NLGN4X: variants seen among roughly 807,000 people sequenced by gnomAD.
NLGN4X encodes neuroligin-4, X-linked.
A neutral mutation model predicts 40.3 loss-of-function variants in NLGN4X; 3 were observed. That is an observed-to-expected ratio of 0.07 (90% CI 0.03 to 0.19). The LOEUF is 0.19. Among genes scored for constraint, NLGN4X ranks in the 10% least tolerant of loss-of-function variants. NLGN4X has a pLI of 1.00. For synonymous variants in NLGN4X, 270 were observed against 306.8 expected (o/e 0.88, Z 1.25); for missense variants, 382 against 708.3 (o/e 0.54, Z 5.23).
At chrX:5,978,295 TC>T in intron 3 of NLGN4X, among the ~76,000 whole-genome samples, 1 of 71,020 alleles carries the variant, frequency 1.4e-5, no homozygotes, top group East Asian at 4.6e-4. Context: ...TTTCTTTCTT[TC>T]TTTCTTTCTT....
At chrX:5,934,697 C>A (rs73450242) in intron 3 of NLGN4X, among the ~76,000 whole-genome samples, 40 of 110,907 alleles carry the variant, frequency 3.6e-4, no homozygotes, top group Non-Finnish European at 6.2e-4. Flanking sequence ...AATGGCTATT[C>A]GTTTATGCTG....
intron 3 of NLGN4X, among the ~76,000 whole-genome samples, chrX:6,021,702 T>A (rs1331875347): frequency 2.7e-5 from 3 of 110,828 alleles, no homozygotes; most frequent in Non-Finnish European, 1.9e-5. Context: ...ATAAAGAAGA[T>A]GATGATGAAA....
At chrX:6,037,886 C>T (rs954723519) in intron 2 of NLGN4X, among the ~76,000 whole-genome samples, 4 of 111,520 alleles carry the variant, frequency 3.6e-5, no homozygotes, top group Admixed American at 9.5e-5. Context: ...CCCCAGCTCT[C>T]GGCAGCAAGG....
chrX:5,892,662 G>A lies in NLGN4X; in HGVS notation c.*155C>T. The A allele has an allele frequency of 1.4e-6, 1 of 718,492 alleles. No homozygotes were observed. The highest frequency in any genetic ancestry group is 2.6e-5 in the South Asian group (1 of 39,077). The allele number at this position is 718,492 out of a possible 1,213,427, so 59.2% of individuals were successfully genotyped here. The stretch of plus-strand genomic sequence containing the variant: ...CGATAAGGGTCTGCCGGGATGGGAT[G>A]ACTGCCTTTTTGCATTTTTGTCTTA... On this transcript the variant is annotated 3_prime_UTR_variant, in exon 6 of 6. Transcript: ENST00000381095.
At chrX:6,211,649 T>C (rs1447184349) in intron 1 of NLGN4X, among the ~76,000 whole-genome samples, 1 of 111,774 alleles carries the variant, frequency 8.9e-6, no homozygotes, top group Non-Finnish European at 1.9e-5. Context: ...TGATATGCTG[T>C]AGCTATAGAC....
intron 2 of NLGN4X, among the ~76,000 whole-genome samples, chrX:6,081,609 G>A (rs2038351651): frequency 9.0e-6 from 1 of 111,709 alleles, no homozygotes; most frequent in South Asian, 3.8e-4. Context: ...ATATGAGGCT[G>A]GTGATATTTG....
At chrX:5,905,596 T>A (rs2032130341) in intron 4 of NLGN4X, among the ~76,000 whole-genome samples, 1 of 112,587 alleles carries the variant, frequency 8.9e-6, no homozygotes. Flanking sequence ...GTGAACATCT[T>A]CATAAAACTA....
chrX:5,909,614 C>T (rs2146763114), intron 3 of NLGN4X, among the ~76,000 whole-genome samples: 1 of 100,719 alleles, frequency 9.9e-6, no homozygotes, highest in East Asian at 3.0e-4. Flanking sequence ...CAGACTCCTA[C>T]AAGAAATTTT....
intron 2 of NLGN4X, among the ~76,000 whole-genome samples, chrX:6,140,704 AG>A (rs1480687377): frequency 9.2e-6 from 1 of 108,146 alleles, no homozygotes; most frequent in Non-Finnish European, 1.9e-5. Flanking sequence ...CATCCCCTCA[AG>A]TAGCTGGGAC....
In NLGN4X at chrX:6,136,799, C is replaced by T. The variant is rs148502681; in HGVS notation, c.472+14196G>A. 6.6e-3 allele frequency among the ~76,000 whole-genome samples: 733 copies of T among 111,906 alleles called. 2 individuals are homozygous for T. Among genetic ancestry groups the T allele is most frequent in the African/African-American group, 0.021 (647 of 30,816 alleles). On this transcript the variant is annotated intron_variant, in intron 2 of 5. Coordinates refer to ENST00000381095, the MANE Select transcript of NLGN4X (RefSeq NM_181332.3). ...GTCTTTCACTTGGAAAATGCCAGCC[C>T]TGAGAGACTGGAATCCAAGACCTAC... is the stretch of plus-strand genomic sequence containing the variant.
At chrX:5,897,870 T>C (rs1000678346) in intron 5 of NLGN4X, among the ~76,000 whole-genome samples, 3 of 109,675 alleles carry the variant, frequency 2.7e-5, no homozygotes, top group African/African-American at 1.0e-4. Context: ...AAAGATCCAA[T>C]TGTCCCTCCC....
At chrX:6,004,845 T>C (rs2036062434) in intron 3 of NLGN4X, among the ~76,000 whole-genome samples, 1 of 112,096 alleles carries the variant, frequency 8.9e-6, no homozygotes, top group African/African-American at 3.2e-5. Context: ...GGTAATTTGC[T>C]CTGCAGACTG....
At chrX:5,956,774 T>C (rs2034505229) in intron 3 of NLGN4X, among the ~76,000 whole-genome samples, 1 of 112,168 alleles carries the variant, frequency 8.9e-6, no homozygotes, top group Non-Finnish European at 1.9e-5. Flanking sequence ...GGGCATTTGT[T>C]TCAGGTTACT....
At chrX:5,943,533 G>A (rs1260125918) in intron 3 of NLGN4X, among the ~76,000 whole-genome samples, 1 of 112,235 alleles carries the variant, frequency 8.9e-6, no homozygotes, top group Non-Finnish European at 1.9e-5. Context: ...GGACATGCAG[G>A]CAGTGTGAAT....
chrX:6,205,186 C>T (rs910462614), intron 1 of NLGN4X, among the ~76,000 whole-genome samples: 1 of 112,449 alleles, frequency 8.9e-6, no homozygotes, highest in African/African-American at 3.2e-5. Context: ...CCCATACCTA[C>T]GAATTCTCAT....
chrX:5,967,318 T>C (rs761429976), intron 3 of NLGN4X, among the ~76,000 whole-genome samples: 6 of 112,326 alleles, frequency 5.3e-5, no homozygotes, highest in Non-Finnish European at 9.4e-5. Context: ...AAATTTTTAT[T>C]GCACAGTTTA....
chrX:6,098,669 C>T (rs1331633429), intron 2 of NLGN4X, among the ~76,000 whole-genome samples: 1 of 111,817 alleles, frequency 8.9e-6, no homozygotes, highest in South Asian at 3.8e-4. Context: ...TCCCCATTGC[C>T]GCTGTTCTCA....
At chrX:6,208,976 C>A (rs1031486423) in intron 1 of NLGN4X, among the ~76,000 whole-genome samples, 1 of 112,286 alleles carries the variant, frequency 8.9e-6, no homozygotes, top group Non-Finnish European at 1.9e-5. Flanking sequence ...ATATGGAATC[C>A]AGCTAGGCAT....
chrX:6,140,744 A>ATTT lies in NLGN4X; in HGVS notation c.472+10248_472+10250dup, dbSNP rs36080808. 6.2e-3 allele frequency among the ~76,000 whole-genome samples: 610 copies of ATTT among 97,828 alleles called. 6 individuals are homozygous for ATTT. The highest frequency in any genetic ancestry group is 9.0e-3 in the Non-Finnish European group (445 of 49,227). The allele number at this position is 97,828 out of a possible 115,157, so 85.0% of individuals were successfully genotyped here. A position where few individuals can be genotyped will look rare whatever the true frequency, so the allele number is the denominator to read the frequency against. On this transcript the variant is annotated intron_variant, in intron 2 of 5. Coordinates refer to ENST00000381095, the MANE Select transcript of NLGN4X (RefSeq NM_181332.3). ...AGGCCAGCACCACCATGCCCAGCTA[A>ATTT]TTTTTTTTTTTTCTGGTAAGGACAG...
Sources: gnomAD v4.1 joint callset for allele counts (sites outside exome capture counted in the v4.1 genomes callset) on GRCh38, gnomAD v4.1.1 for gene constraint, MANE v1.5 for transcripts, NCBI Gene and HGNC (gene_info 2026-07-23, HGNC 2026-07-21) for gene names.